Variants in HS2ST1 observed in about 807,000 individuals in gnomAD.
The protein encoded by HS2ST1 is 2-O-sulfotransferase.
Under a neutral mutation model 42.9 loss-of-function variants are expected in HS2ST1, and 18 were observed. The observed-to-expected ratio is 0.42, with a 90% CI of 0.29 to 0.62. The LOEUF is 0.62. Ranked by LOEUF, HS2ST1 falls within the 20% of genes least tolerant of loss-of-function variation. The pLI is 0.21. For missense variants in HS2ST1, 334 were observed against 433.8 expected (o/e 0.77, Z 2.04); for synonymous variants, 146 against 152.9 (o/e 0.95, Z 0.33).
chr1:87,079,363 C>T lies in HS2ST1; in HGVS notation c.364-4831C>T, dbSNP rs558068922. ...ATGTTGCCTTGGCTGGTCTCAAACC[C>T]CTGAGCTCAGGAAGTCCACCCGCCT... is the stretch of plus-strand genomic sequence containing the variant. On this transcript the variant is annotated intron_variant, in intron 2 of 6. Coordinates refer to ENST00000370550, the MANE Select transcript of HS2ST1 (RefSeq NM_012262.4). Among the ~76,000 whole-genome samples the T allele has an allele frequency of 1.2e-3, 182 of 152,248 alleles. 1 individual carries two copies. Among genetic ancestry groups the T allele is most frequent in the African/African-American group, 4.1e-3 (171 of 41,552 alleles).
At chr1:87,025,187 T>TAAG (rs10689285) in intron 1 of HS2ST1, among the ~76,000 whole-genome samples, 2 of 151,984 alleles carry the variant, frequency 1.3e-5, no homozygotes, top group Non-Finnish European at 2.9e-5. Context: ...ACTGGAGAAG[T>TAAG]GAAGAACAGG....
chr1:87,047,824 C>G (rs1364861272), intron 1 of HS2ST1, among the ~76,000 whole-genome samples: 1 of 152,058 alleles, frequency 6.6e-6, no homozygotes, highest in Non-Finnish European at 1.5e-5. Context: ...GTCTTCATGC[C>G]AGTACTATAC....
intron 1 of HS2ST1, among the ~76,000 whole-genome samples, chr1:86,996,218 G>A (rs542875607): frequency 6.6e-5 from 10 of 152,024 alleles, no homozygotes; most frequent in East Asian, 3.9e-4. Context: ...CGAGGCGGGC[G>A]GATCACTTGA....
In HS2ST1 at chr1:87,092,678, T is replaced by C. The variant is rs576068191; in HGVS notation, c.588+9T>C. 4 of 1,507,006 alleles carry C rather than the reference T, an allele frequency of 2.7e-6. No homozygotes were observed. The South Asian group carries it at 4.1e-5, about 15-fold the overall frequency. 93.4% of individuals were successfully genotyped at this position (1,507,006 alleles called of 1,614,324 possible). A position where few individuals can be genotyped will look rare whatever the true frequency, so the allele number is the denominator to read the frequency against. On this transcript the variant is annotated intron_variant, in intron 4 of 6. Transcript: ENST00000370550. ...AACAAGGAGACAAAAAGGTAATATT[T>C]TAGTTTTAAGATTTTTATAAAGATA... is the stretch of plus-strand genomic sequence containing the variant.
chr1:86,954,817 T>C (rs972033363), intron 1 of HS2ST1, among the ~76,000 whole-genome samples: 1 of 152,124 alleles, frequency 6.6e-6, no homozygotes, highest in Admixed American at 6.6e-5. Flanking sequence ...TATATCAGAA[T>C]AGAAAGGCCA....
chr1:86,963,222 G>A (rs141780593), intron 1 of HS2ST1, among the ~76,000 whole-genome samples: 3,015 of 151,664 alleles, frequency 0.02, 46 homozygotes, highest in Middle Eastern at 0.034. Context: ...GATTTGGCAG[G>A]GTCATAGGAC....
intron 4 of HS2ST1, among the ~76,000 whole-genome samples, chr1:87,093,986 A>T (rs1652006520): frequency 6.6e-6 from 1 of 152,112 alleles, no homozygotes; most frequent in Admixed American, 6.6e-5. Context: ...ATCTCTCAGC[A>T]TTATTTAATC....
rs150791758 is a variant in HS2ST1, at chr1:87,096,634, T to C, written c.589-1204T>C. On this transcript the variant is annotated intron_variant, in intron 4 of 6. Coordinates refer to ENST00000370550, the MANE Select transcript of HS2ST1 (RefSeq NM_012262.4). Reference sequence around the variant, plus strand: ...TTGTTGTGGGGGGCTTCTTATACATTGTAGGATGTTTACCAGCATCTCTTA... The same window carrying C: ...TTGTTGTGGGGGGCTTCTTATACATCGTAGGATGTTTACCAGCATCTCTTA... Among the ~76,000 whole-genome samples, 429 of 152,352 alleles carry C rather than the reference T, an allele frequency of 2.8e-3. 1 individual carries two copies. The highest frequency in any genetic ancestry group is 9.8e-3 in the African/African-American group (408 of 41,580).
intron 1 of HS2ST1, among the ~76,000 whole-genome samples, chr1:86,948,839 T>C (rs1035163615): frequency 1.3e-5 from 2 of 152,222 alleles, no homozygotes; most frequent in African/African-American, 4.8e-5. Context: ...CTAAATGTAC[T>C]TTGTTCAAGA....
intron 1 of HS2ST1, among the ~76,000 whole-genome samples, chr1:86,933,306 T>G (rs549633194): frequency 1.3e-5 from 2 of 152,332 alleles, no homozygotes; most frequent in South Asian, 2.1e-4. Context: ...TAGTTACACC[T>G]TTTGTAATTG....
chr1:87,035,022 TGAGA>T (rs1339449927), intron 1 of HS2ST1, among the ~76,000 whole-genome samples: 2 of 152,022 alleles, frequency 1.3e-5, no homozygotes, highest in Non-Finnish European at 2.9e-5. Flanking sequence ...TCTTAGTCAG[TGAGA>T]GAGAGATTTT....
At chr1:86,966,958 C>A (rs1648065508) in intron 1 of HS2ST1, among the ~76,000 whole-genome samples, 1 of 150,728 alleles carries the variant, frequency 6.6e-6, no homozygotes, top group Non-Finnish European at 1.5e-5. Flanking sequence ...ATGGTGCGAT[C>A]TCAGCTCACT....
At chr1:87,002,027 C>A (rs891301341) in intron 1 of HS2ST1, among the ~76,000 whole-genome samples, 3 of 152,048 alleles carry the variant, frequency 2.0e-5, no homozygotes. Flanking sequence ...ATTCTCCTAC[C>A]TCAGCCACCC....
chr1:87,038,455 T>C (rs1650437578), intron 1 of HS2ST1, among the ~76,000 whole-genome samples: 1 of 152,116 alleles, frequency 6.6e-6, no homozygotes. Flanking sequence ...TTTTCAAAAT[T>C]AAATGTCAAA....
At chr1:86,958,888 T>G (rs1467126001) in intron 1 of HS2ST1, among the ~76,000 whole-genome samples, 2 of 152,218 alleles carry the variant, frequency 1.3e-5, no homozygotes, top group Non-Finnish European at 2.9e-5. Flanking sequence ...AATTACATAC[T>G]ATAGCTAAGT....
chr1:87,043,066 A>T (rs994992622), intron 1 of HS2ST1, among the ~76,000 whole-genome samples: 2 of 152,124 alleles, frequency 1.3e-5, no homozygotes, highest in Non-Finnish European at 1.5e-5. Flanking sequence ...AATAACAGAC[A>T]CATCTGGTAT....
At chr1:86,938,080 T>A (rs549220264) in intron 1 of HS2ST1, among the ~76,000 whole-genome samples, 5 of 152,350 alleles carry the variant, frequency 3.3e-5, no homozygotes, top group African/African-American at 1.2e-4. Flanking sequence ...ATTCATATTC[T>A]GAAATCCTCT....
Position 87,063,731 on chromosome 1 carries a change from A to G in HS2ST1, c.125-9203A>G, listed in dbSNP as rs528766490. On this transcript the variant is annotated intron_variant, in intron 1 of 6. Coordinates refer to ENST00000370550, the MANE Select transcript of HS2ST1 (RefSeq NM_012262.4). The stretch of plus-strand genomic sequence containing the variant: ...GGTTCAAGCATGTTCATAATTGCTC[A>G]TTAAAGAATTTTTATCGTGGCTGCT... 1.2e-3 allele frequency among the ~76,000 whole-genome samples: 182 copies of G among 152,230 alleles called. 1 individual carries two copies. Among genetic ancestry groups the G allele is most frequent in the African/African-American group, 4.1e-3 (171 of 41,530 alleles).
intron 1 of HS2ST1, among the ~76,000 whole-genome samples, chr1:87,033,205 T>C (rs946016560): frequency 7.9e-5 from 12 of 152,226 alleles, no homozygotes; most frequent in Non-Finnish European, 2.9e-5. Flanking sequence ...CTGACCCATG[T>C]CTAATCTTTT....
Sources: allele counts gnomAD v4.1 joint callset (sites outside exome capture counted in the v4.1 genomes callset), GRCh38; gene constraint gnomAD v4.1.1; transcripts MANE v1.5; gene names NCBI Gene and HGNC (gene_info 2026-07-23, HGNC 2026-07-21).